HSPD1: variants seen among roughly 807,000 people sequenced by gnomAD.
The protein encoded by HSPD1 is heat shock protein family D (Hsp60) member 1.
Under a neutral mutation model 53.0 loss-of-function variants are expected in HSPD1, and 3 were observed. The observed-to-expected ratio is 0.06, with a 90% confidence interval of 0.03 to 0.15. The LOEUF (loss-of-function observed/expected upper bound fraction) is 0.15, where lower values mean the gene tolerates loss of function less well. Ranked by LOEUF, HSPD1 falls within the 10% of genes least tolerant of loss-of-function variation. The pLI, the probability that HSPD1 is intolerant of heterozygous loss-of-function variation, is 1.00. For synonymous variants in HSPD1, 200 were observed against 228.0 expected, an observed-to-expected ratio of 0.88 and a Z score of 1.10; for missense variants, 431 against 694.1, an observed-to-expected ratio of 0.62 and a Z score of 4.26.
Position 197,494,661 on chromosome 2 carries a change from A to T in HSPD1, c.602T>A (p.Val201Glu). ...KKVGRKGVIT[V>E]KDGKTLNDEL... ...TAAAAATACAAACACACTTGCCTTT[A>T]CTGTGATGACACCCTTTCTTCCAAC... Residue 201 changes from valine (V) to glutamate (E), a missense_variant, in exon 5 of 12, where the codon GTA becomes GAA. Physicochemically the swap from Val to Glu is moderately radical, Grantham distance 121. Coordinates refer to ENST00000388968, the MANE Select transcript of HSPD1 (RefSeq NM_002156.5). The T allele has an allele frequency of 6.3e-7, 1 of 1,579,966 alleles. No homozygotes were observed. The highest frequency in any genetic ancestry group is 8.7e-7 in the Non-Finnish European group (1 of 1,148,914).
At chr2:197,496,080 C>T (rs1574602387) in intron 3 of HSPD1, among the ~76,000 whole-genome samples, 1 of 152,282 alleles carries the variant, frequency 6.6e-6, no homozygotes, top group East Asian at 1.9e-4. Context: ...AAGTACAGTT[C>T]TTAAATGATA....
At position 197,497,647 on chromosome 2, in the gene HSPD1, A is replaced by T. The variant is rs992432983; in HGVS notation, c.175-255T>A. On this transcript the variant is annotated intron_variant, in intron 2 of 11. Transcript: ENST00000388968. ...GGAGATTAAAATCCTAGGGACTAAA[A>T]CTTGTCATCTTATAAAATGAACAAG... 59 of 538,402 alleles carry T rather than the reference A, an allele frequency of 1.1e-4. No individual in the cohort carries two copies. The South Asian group carries it at 1.2e-3, about 11-fold the overall frequency. The allele number at this position is 538,402 out of a possible 1,614,324, so 33.4% of individuals were successfully genotyped here.
In HSPD1 at chr2:197,497,146, T is replaced by G; in HGVS notation, c.421A>C (p.Arg141=). The change falls in exon 3 of 12, where the codon AGG becomes CGG. Residue 141 remains arginine (R), a synonymous_variant. Coordinates refer to ENST00000388968, the MANE Select transcript of HSPD1 (RefSeq NM_002156.5). The part of the protein sequence containing the change: ...ISKGANPVEI[R]RGVMLAVDAV... ...TGACAACAGACATTCCTACCTCTCC[T>G]GATTTCCACTGGATTAGCACCTTTG... The G allele has an allele frequency of 6.2e-7, 1 of 1,614,160 alleles. No individual in the cohort carries two copies. The highest frequency in any genetic ancestry group is 8.5e-7 in the Non-Finnish European group (1 of 1,179,966).
intron 8 of HSPD1, among the ~76,000 whole-genome samples, chr2:197,489,909 ATCAAG>A (rs1236149519): frequency 6.6e-6 from 1 of 152,010 alleles, no homozygotes; most frequent in African/African-American, 2.4e-5. Flanking sequence ...GTCAATATAG[ATCAAG>A]TCAAGAATAG....
intron 4 of HSPD1, chr2:197,495,045 G>A (rs752928286): frequency 1.2e-4 from 72 of 598,452 alleles, no homozygotes; most frequent in Non-Finnish European, 1.9e-4. Context: ...CAATGGCTAA[G>A]AACATTTTCA....
chr2:197,486,836 C>T lies in HSPD1; in HGVS notation c.*210G>A. 1.8e-6 allele frequency: 1 copy of T among 562,892 alleles called. No homozygotes were observed. The highest frequency in any genetic ancestry group is 3.2e-6 in the Non-Finnish European group (1 of 314,902). 34.9% of individuals were successfully genotyped at this position (562,892 alleles called of 1,614,324 possible). ...TACAAATGTTTTTTATTCAAAAATACAAAATAAATTATCTGTAGGCATGGA... is the reference window on the plus strand; with the variant it reads ...TACAAATGTTTTTTATTCAAAAATATAAAATAAATTATCTGTAGGCATGGA... On this transcript the variant is annotated 3_prime_UTR_variant, in exon 12 of 12. Coordinates refer to ENST00000388968, the MANE Select transcript of HSPD1 (RefSeq NM_002156.5).
intron 7 of HSPD1, among the ~76,000 whole-genome samples, chr2:197,492,144 C>T (rs1431585832): frequency 6.6e-6 from 1 of 152,198 alleles, no homozygotes; most frequent in Non-Finnish European, 1.5e-5. Context: ...GTGACAGAGT[C>T]TGTCTCTCAA....
intron 7 of HSPD1, chr2:197,490,691 G>A (rs2086080880): frequency 8.0e-6 from 2 of 250,364 alleles, no homozygotes; most frequent in Admixed American, 5.1e-5. Context: ...TCAGCCAAAT[G>A]TGGTAGCAGG....
rs181451352 is a variant in HSPD1 at position 197,488,595 on chromosome 2, G to A, written c.1216-104C>T. ...CTTAAAAAGCAATCCTGAGGTGGGC[G>A]TGGTGGCTCACACCTGTAATCCTAG... On this transcript the variant is annotated intron_variant, in intron 9 of 11. Transcript: ENST00000388968. 1.8e-3 allele frequency: 1,878 copies of A among 1,057,876 alleles called. 35 individuals carry two copies. The Admixed American group carries it at 0.029, about 16-fold the overall frequency. 65.5% of individuals were successfully genotyped at this position (1,057,876 alleles called of 1,614,324 possible). A position where few individuals can be genotyped will look rare whatever the true frequency, so the allele number is the denominator to read the frequency against.
chr2:197,493,757 G>A (rs2086122243), intron 6 of HSPD1, among the ~76,000 whole-genome samples: 2 of 152,158 alleles, frequency 1.3e-5, no homozygotes, highest in Admixed American at 6.5e-5. Context: ...TTGAGGCCAG[G>A]AATTCAAAAC....
At chr2:197,492,443 G>GCCTC (rs2086105143) in intron 7 of HSPD1, among the ~76,000 whole-genome samples, 1 of 152,078 alleles carries the variant, frequency 6.6e-6, no homozygotes, top group Non-Finnish European at 1.5e-5. Flanking sequence ...ACCCGCCTGT[G>GCCTC]CCTCCCCAAG....
At chr2:197,490,415 G>GTT (rs147990270) in intron 7 of HSPD1, 119 bp from the exon 8 acceptor site, 6 of 728,682 alleles carry the variant, frequency 8.2e-6, no homozygotes, top group Non-Finnish European at 1.4e-5. Flanking sequence ...TGGTTTTTGT[G>GTT]TTTTTTTGTT....
Position 197,488,307 on chromosome 2 carries a change from A to C in HSPD1, c.1390+10T>G. On this transcript the variant is annotated intron_variant, in intron 10 of 11. Transcript: ENST00000388968. ...CAGGCCACAAACTCATTTAAAAGGT[A>C]ACTTTTTACCAATTTTTTGATCTTC... 6.2e-7 allele frequency: 1 copy of C among 1,613,194 alleles called. No individual in the cohort carries two copies. Among genetic ancestry groups the C allele is most frequent in the South Asian group, 1.1e-5 (1 of 91,040 alleles).
Position 197,494,264 on chromosome 2 carries a change from A to G in HSPD1, c.607-14T>C. The G allele has an allele frequency of 8.1e-7, 1 of 1,240,034 alleles. No individual in the cohort carries two copies. Among genetic ancestry groups the G allele is most frequent in the South Asian group, 1.2e-5 (1 of 83,542 alleles). 76.8% of individuals were successfully genotyped at this position (1,240,034 alleles called of 1,614,324 possible). ...TGTTTTTCCATCCTATGAAAAGTCA[A>G]AGAATTAGGTATATGGATTTCATTG... is the stretch of plus-strand genomic sequence containing the variant. On this transcript the variant is annotated splice_polypyrimidine_tract_variant and intron_variant, in intron 5 of 11. Transcript: ENST00000388968.
Position 197,486,880 on chromosome 2 carries a change from A to C in HSPD1, c.*166T>G, listed in dbSNP as rs548560176. 2 of 615,576 alleles carry C rather than the reference A, an allele frequency of 3.2e-6. No individual in the cohort carries two copies. The highest frequency in any genetic ancestry group is 3.7e-5 in the African/African-American group (2 of 53,944). 38.1% of individuals were successfully genotyped at this position (615,576 alleles called of 1,614,324 possible). A position where few individuals can be genotyped will look rare whatever the true frequency, so the allele number is the denominator to read the frequency against. On this transcript the variant is annotated 3_prime_UTR_variant, in exon 12 of 12. Coordinates refer to ENST00000388968, the MANE Select transcript of HSPD1 (RefSeq NM_002156.5). ...GCATGGACAATGACAGCAGTAAACCATTATATATTTTGTCAACTGAAACCA... is the reference window on the plus strand; with the variant it reads ...GCATGGACAATGACAGCAGTAAACCCTTATATATTTTGTCAACTGAAACCA...
chr2:197,489,464 CCTTA>C (rs1303456575), intron 8 of HSPD1, among the ~76,000 whole-genome samples: 7 of 152,228 alleles, frequency 4.6e-5, no homozygotes, highest in Non-Finnish European at 7.3e-5. Flanking sequence ...TTATTACCAG[CCTTA>C]CTTGAGAAAA....
At chr2:197,498,332 C>G (rs747904499) in intron 2 of HSPD1, among the ~76,000 whole-genome samples, 6 of 152,170 alleles carry the variant, frequency 3.9e-5, no homozygotes, top group Admixed American at 6.5e-5. Flanking sequence ...ATAAGTTAAA[C>G]TCTTCTCTCT....
chr2:197,490,553 G>A (rs1020427319), intron 7 of HSPD1: 57 of 444,246 alleles, frequency 1.3e-4, no homozygotes, highest in African/African-American at 4.8e-4. Context: ...TGGCCTGGCC[G>A]GGCGTGGTGA....
intron 5 of HSPD1, 59 bp downstream of exon 5, chr2:197,494,598 C>A: frequency 1.3e-6 from 1 of 795,438 alleles, no homozygotes; most frequent in South Asian, 1.6e-5. Context: ...CATCAGATAA[C>A]TCAAACTTTT....
Sources: gnomAD v4.1 joint callset for allele counts (sites outside exome capture counted in the v4.1 genomes callset) on GRCh38, gnomAD v4.1.1 for gene constraint, MANE v1.5 for transcripts, NCBI Gene and HGNC (gene_info 2026-07-23, HGNC 2026-07-21) for gene names.